FMNL2: variants seen among roughly 807,000 people sequenced by gnomAD.
The protein encoded by FMNL2 is formin-like protein 2.
In FMNL2, 51 loss-of-function variants were observed where a neutral mutation model predicts 130.2. That is an observed-to-expected ratio of 0.39 (90% CI 0.31 to 0.49). The LOEUF (loss-of-function observed/expected upper bound fraction) is 0.49, where lower values mean the gene tolerates loss of function less well. FMNL2 is among the 20% of genes least tolerant of loss of function. FMNL2 has a pLI of 0.85. For missense variants in FMNL2, 977 were observed against 1,316.2 expected, an observed-to-expected ratio of 0.74 and a Z score of 3.99; for synonymous variants, 465 against 467.1, an observed-to-expected ratio of 1.00 and a Z score of 0.06.
chr2:152,479,718 GTTTTTTTTTT>G (rs749726414), intron 1 of FMNL2, among the ~76,000 whole-genome samples: 1 of 96,734 alleles, frequency 1.0e-5, no homozygotes, highest in Non-Finnish European at 2.1e-5. Context: ...GTTGTGGGTT[GTTTTTTTTTT>G]TTTTTTTTTT....
chr2:152,448,889 C>T (rs1345904419), intron 1 of FMNL2, among the ~76,000 whole-genome samples: 1 of 152,212 alleles, frequency 6.6e-6, no homozygotes, highest in Non-Finnish European at 1.5e-5. Context: ...GCTCTTGTCC[C>T]TTGAAGAGTC....
intron 25 of FMNL2, among the ~76,000 whole-genome samples, chr2:152,647,531 A>G (rs1683693487): frequency 6.6e-6 from 1 of 152,250 alleles, no homozygotes. Context: ...GACTTCAGCT[A>G]GACTCTGGCC....
chr2:152,578,620 C>G, intron 7 of FMNL2: 7 of 169,440 alleles, frequency 4.1e-5, no homozygotes, highest in East Asian at 1.3e-4. Flanking sequence ...AGATGTGGGT[C>G]TTGTTGTCCT....
At chr2:152,599,012 C>T (rs1580061242) in intron 9 of FMNL2, among the ~76,000 whole-genome samples, 1 of 152,162 alleles carries the variant, frequency 6.6e-6, no homozygotes, top group African/African-American at 2.4e-5. Flanking sequence ...GCTCCATTGT[C>T]CAAGGGCAGG....
intron 1 of FMNL2, among the ~76,000 whole-genome samples, chr2:152,405,141 C>T (rs1685913920): frequency 6.6e-6 from 1 of 152,068 alleles, no homozygotes; most frequent in Non-Finnish European, 1.5e-5. Flanking sequence ...CTGTTTTATC[C>T]CTGGCATCTA....
Position 152,619,605 on chromosome 2 carries a change from C to G in FMNL2, c.1724C>G (p.Pro575Arg). The G allele has an allele frequency of 6.3e-7, 1 of 1,575,072 alleles. No individual in the cohort carries two copies. Among genetic ancestry groups the G allele is most frequent in the Non-Finnish European group, 8.6e-7 (1 of 1,159,880 alleles). The change falls in exon 15 of 26, where the codon CCA becomes CGA. Residue 575 changes from proline to arginine, a missense_variant. Physicochemically the swap from Pro to Arg is moderately radical, Grantham distance 103. Around this residue, in one of 4 missense-constraint regions of FMNL2, gnomAD observed 689 missense variants for 995.9 expected, o/e 0.69. Transcript: ENST00000288670. ...PPPPPPPPPLPGPAAETVPAP... is the reference protein window; with the variant it reads ...PPPPPPPPPLRGPAAETVPAP... ...CCGCCCCCTCCGCCTCCTCCTCTCC[C>G]AGGCCCTGCAGCTGAGACTGTACCA...
rs1005012609 is a variant in FMNL2 at position 152,509,543 on chromosome 2, C to T, written c.118-12400C>T. Among the ~76,000 whole-genome samples the T allele has an allele frequency of 5.3e-5, 8 of 151,770 alleles. No homozygotes were observed. The South Asian group carries it at 8.3e-4, about 16-fold the overall frequency. ...TACACATGTGAAATGGCAACCAATA[C>T]GGTCACATTTGGTCCCTTGAACAAG... On this transcript the variant is annotated intron_variant, in intron 1 of 25. Transcript: ENST00000288670.
chr2:152,439,835 A>T (rs971239717), intron 1 of FMNL2, among the ~76,000 whole-genome samples: 4 of 149,000 alleles, frequency 2.7e-5, no homozygotes, highest in African/African-American at 1.0e-4. Flanking sequence ...GGGCATCAGC[A>T]TTTACCCGTT....
At chr2:152,427,261 G>A (rs12999503) in intron 1 of FMNL2, among the ~76,000 whole-genome samples, 38,157 of 152,096 alleles carry the variant, frequency 0.25, 5,762 homozygotes, top group African/African-American at 0.42. Context: ...TAAAATCATT[G>A]TTTGGCTGGG....
chr2:152,473,745 G>A (rs1335958983), intron 1 of FMNL2, among the ~76,000 whole-genome samples: 1 of 152,120 alleles, frequency 6.6e-6, no homozygotes, highest in Non-Finnish European at 1.5e-5. Flanking sequence ...AGAAAATATT[G>A]ACAATACCCT....
At chr2:152,647,135 G>C (rs924402424) in intron 25 of FMNL2, among the ~76,000 whole-genome samples, 7 of 152,196 alleles carry the variant, frequency 4.6e-5, no homozygotes, top group African/African-American at 1.4e-4. Flanking sequence ...AGAATCGCTT[G>C]AGACTGGTTC....
chr2:152,524,313 C>T (rs944735998), intron 2 of FMNL2, among the ~76,000 whole-genome samples: 3 of 152,158 alleles, frequency 2.0e-5, no homozygotes, highest in Non-Finnish European at 4.4e-5. Flanking sequence ...CCTCTTGGTC[C>T]TTTCCTGACT....
chr2:152,558,709 C>G lies in FMNL2; in HGVS notation c.360-31C>G, dbSNP rs1229139071. 4.6e-6 allele frequency: 7 copies of G among 1,523,384 alleles called. No individual in the cohort carries two copies. In the African/African-American group the frequency reaches 1.2e-4, roughly 26 times the overall value. 94.4% of individuals were successfully genotyped at this position (1,523,384 alleles called of 1,614,324 possible). ...ATGGCAGGTCATGTGATCAATTTCT[C>G]CAATGATTTTTTTTTTTTTTTCCCC... On this transcript the variant is annotated intron_variant, in intron 4 of 25. Coordinates refer to ENST00000288670, the MANE Select transcript of FMNL2 (RefSeq NM_052905.4).
chr2:152,352,515 A>G (rs967874545), intron 1 of FMNL2, among the ~76,000 whole-genome samples: 2 of 152,256 alleles, frequency 1.3e-5, no homozygotes, highest in African/African-American at 2.4e-5. Context: ...TAGAATAAAT[A>G]TAAATGTTTC....
intron 1 of FMNL2, among the ~76,000 whole-genome samples, chr2:152,431,653 G>A (rs1174765656): frequency 6.6e-6 from 1 of 152,094 alleles, no homozygotes; most frequent in Non-Finnish European, 1.5e-5. Context: ...AGAAATTAAT[G>A]TGCCGCGTGT....
At chr2:152,465,562 T>C (rs1689484455) in intron 1 of FMNL2, among the ~76,000 whole-genome samples, 1 of 152,244 alleles carries the variant, frequency 6.6e-6, no homozygotes, top group African/African-American at 2.4e-5. Context: ...TTGCTTTTGC[T>C]TCTGTTTCTT....
chr2:152,504,048 G>A (rs1427142259), intron 1 of FMNL2, among the ~76,000 whole-genome samples: 4 of 152,092 alleles, frequency 2.6e-5, no homozygotes, highest in South Asian at 4.1e-4. Context: ...AAAATTAGCC[G>A]GGCGTGGTGG....
At chr2:152,379,152 G>A (rs901751679) in intron 1 of FMNL2, among the ~76,000 whole-genome samples, 3 of 152,146 alleles carry the variant, frequency 2.0e-5, no homozygotes, top group Admixed American at 1.3e-4. Flanking sequence ...TTTAGAGACC[G>A]CTAATGATAC....
At chr2:152,550,658 T>C (rs1252970002) in intron 4 of FMNL2, among the ~76,000 whole-genome samples, 1 of 152,230 alleles carries the variant, frequency 6.6e-6, no homozygotes, top group Non-Finnish European at 1.5e-5. Flanking sequence ...GAGGCTTGTC[T>C]GCTGGGGATG....
Sources: gnomAD v4.1 joint callset for allele counts (sites outside exome capture counted in the v4.1 genomes callset) on GRCh38, gnomAD v4.1.1 for gene constraint, gnomAD v4.1.1 regional missense constraint, MANE v1.5 for transcripts, NCBI Gene and HGNC (gene_info 2026-07-23, HGNC 2026-07-21) for gene names.